DCLK2: variants seen among roughly 807,000 people sequenced by gnomAD.
DCLK2 encodes the protein doublecortin like kinase 2.
DCLK2 carries 31 observed loss-of-function variants against 78.4 expected under a neutral mutation model. The ratio of observed to expected loss-of-function variants is 0.40; its 90% CI spans 0.30 to 0.53. The LOEUF (loss-of-function observed/expected upper bound fraction) is 0.53, where lower values mean the gene tolerates loss of function less well. DCLK2 is among the 20% of genes least tolerant of loss of function. DCLK2 has a pLI of 0.61. For missense variants in DCLK2, 872 were observed against 973.7 expected (o/e 0.90, Z 1.39); for synonymous variants, 407 against 374.9 (o/e 1.09, Z -0.99).
intron 8 of DCLK2, among the ~76,000 whole-genome samples, chr4:150,226,720 G>T (rs930590413): frequency 3.3e-5 from 5 of 152,016 alleles, no homozygotes; most frequent in African/African-American, 1.2e-4. Flanking sequence ...TTTTTATAAT[G>T]CATGATCAAA....
chr4:150,094,372 TAA>T (rs1730312811), intron 1 of DCLK2, among the ~76,000 whole-genome samples: 1 of 152,306 alleles, frequency 6.6e-6, no homozygotes, highest in Admixed American at 6.5e-5. Flanking sequence ...TTCAACTGTT[TAA>T]AAAAGAGTAT....
chr4:150,205,160 C>T (rs1210136773), intron 5 of DCLK2, among the ~76,000 whole-genome samples: 3 of 152,008 alleles, frequency 2.0e-5, no homozygotes, highest in African/African-American at 4.8e-5. Flanking sequence ...GTTAGAACTC[C>T]ACCACCCTTG....
intron 1 of DCLK2, among the ~76,000 whole-genome samples, chr4:150,096,395 T>C (rs1170623441): frequency 1.3e-5 from 2 of 152,184 alleles, no homozygotes; most frequent in African/African-American, 4.8e-5. Flanking sequence ...GATATTCTGT[T>C]AGTGGGTTGA....
At chr4:150,249,891 G>T (rs1171223171) in intron 15 of DCLK2, among the ~76,000 whole-genome samples, 3 of 152,148 alleles carry the variant, frequency 2.0e-5, no homozygotes, top group African/African-American at 7.2e-5. Context: ...GGACCAGCAG[G>T]CCTGGTGTGA....
intron 15 of DCLK2, among the ~76,000 whole-genome samples, chr4:150,250,624 GC>G (rs1488165329): frequency 2.6e-5 from 4 of 151,708 alleles, no homozygotes; most frequent in South Asian, 2.1e-4. Flanking sequence ...TCACATCTGG[GC>G]CCCCCGTGAC....
rs114450405 is a variant in DCLK2, at chr4:150,121,541, C to A, written c.756+18729C>A. 4.1e-3 allele frequency among the ~76,000 whole-genome samples: 628 copies of A among 152,352 alleles called. 4 individuals carry two copies. Among genetic ancestry groups the A allele is most frequent in the African/African-American group, 0.015 (607 of 41,594 alleles). On this transcript the variant is annotated intron_variant, in intron 2 of 15. Coordinates refer to ENST00000296550, the MANE Select transcript of DCLK2 (RefSeq NM_001040260.4). ...ATTTCCTCCACATCTGCAATGACTT[C>A]TTTTGCTGAAGTGTTAAACCCCCTC... is the stretch of plus-strand genomic sequence containing the variant.
At chr4:150,148,166 C>T (rs778204580) in intron 2 of DCLK2, among the ~76,000 whole-genome samples, 1 of 152,054 alleles carries the variant, frequency 6.6e-6, no homozygotes, top group Non-Finnish European at 1.5e-5. Context: ...TAGTTCGAGA[C>T]CAGCCTGGGC....
At chr4:150,201,828 A>G (rs962071390) in intron 4 of DCLK2, among the ~76,000 whole-genome samples, 6 of 152,158 alleles carry the variant, frequency 3.9e-5, no homozygotes, top group South Asian at 4.2e-4. Context: ...AAAAAAGGAA[A>G]ATTTAGTCTC....
rs560954279 is a variant in DCLK2 at position 150,120,681 on chromosome 4, G to A, written c.756+17869G>A. On this transcript the variant is annotated intron_variant, in intron 2 of 15. Coordinates refer to ENST00000296550, the MANE Select transcript of DCLK2 (RefSeq NM_001040260.4). ...AAGTACATCACACAAAATGTTTGGC[G>A]TCCTAGCACAGATAAGTTATGTTTG... Among the ~76,000 whole-genome samples the A allele has an allele frequency of 3.9e-5, 6 of 152,238 alleles. No individual in the cohort carries two copies. The East Asian group carries it at 1.2e-3, about 29-fold the overall frequency.
intron 2 of DCLK2, among the ~76,000 whole-genome samples, chr4:150,159,286 A>C (rs1333726285): frequency 1.3e-5 from 2 of 152,212 alleles, no homozygotes; most frequent in African/African-American, 4.8e-5. Context: ...CTCTTCCTTC[A>C]TGAATTCCAC....
In DCLK2 at chr4:150,198,039, A is replaced by G; in HGVS notation, c.897A>G (p.Ser299=). 4.3e-6 allele frequency: 7 copies of G among 1,613,930 alleles called. No individual in the cohort carries two copies. The highest frequency in any genetic ancestry group is 5.9e-6 in the Non-Finnish European group (7 of 1,179,958). ...RVLKSSYSRS[S]AVKYSGSKSP... is the part of the protein sequence containing the mutation. ...TGAAGTCATCTTATTCTCGATCCTC[A>G]GCTGTTAAGTATTCTGGATCCAAAA... is the stretch of plus-strand genomic sequence containing the variant. Residue 299 remains serine (S), a synonymous_variant, in exon 4 of 16, where the codon TCA becomes TCG. Coordinates refer to ENST00000296550, the MANE Select transcript of DCLK2 (RefSeq NM_001040260.4).
Position 150,175,188 on chromosome 4 carries a change from A to ATAT in DCLK2, c.757-17950_757-17949insTAT, listed in dbSNP as rs1443934489. 8.1e-5 allele frequency among the ~76,000 whole-genome samples: 8 copies of ATAT among 98,166 alleles called. No homozygotes were observed. The East Asian group carries it at 8.9e-4, about 11-fold the overall frequency. The allele number at this position is 98,166 out of a possible 152,430, so 64.4% of individuals were successfully genotyped here. A position where few individuals can be genotyped will look rare whatever the true frequency, so the allele number is the denominator to read the frequency against. On this transcript the variant is annotated intron_variant, in intron 2 of 15. Transcript: ENST00000296550. ...TTTATATATATTTATATATATTTAT[A>ATAT]ATTTATCTATATATATTTATATATA...
chr4:150,170,138 C>A (rs935880878), intron 2 of DCLK2, among the ~76,000 whole-genome samples: 1 of 152,226 alleles, frequency 6.6e-6, no homozygotes, highest in African/African-American at 2.4e-5. Flanking sequence ...ACTGCAACTT[C>A]TACCACCTGG....
At chr4:150,191,468 G>A (rs1385429191) in intron 2 of DCLK2, among the ~76,000 whole-genome samples, 1 of 152,134 alleles carries the variant, frequency 6.6e-6, no homozygotes, top group African/African-American at 2.4e-5. Flanking sequence ...AGAGACGCTT[G>A]AAAACCATGT....
At chr4:150,161,971 TG>T (rs1477828096) in intron 2 of DCLK2, among the ~76,000 whole-genome samples, 1 of 152,196 alleles carries the variant, frequency 6.6e-6, no homozygotes, top group South Asian at 2.1e-4. Flanking sequence ...AGCAGAGTCA[TG>T]AACATTTCTG....
At chr4:150,252,982 G>A (rs1041566295) in intron 15 of DCLK2, among the ~76,000 whole-genome samples, 2 of 152,120 alleles carry the variant, frequency 1.3e-5, no homozygotes, top group African/African-American at 4.8e-5. Flanking sequence ...CAAAAAGTGG[G>A]AGGGGAAGGC....
chr4:150,131,188 T>A (rs944424803), intron 2 of DCLK2, among the ~76,000 whole-genome samples: 5 of 152,058 alleles, frequency 3.3e-5, no homozygotes, highest in Non-Finnish European at 7.4e-5. Context: ...GTGCCTGGCT[T>A]CATTTGATCA....
Position 150,078,838 on chromosome 4 carries a change from T to G in DCLK2, c.-190T>G, listed in dbSNP as rs1729007647. The G allele has an allele frequency of 6.0e-6, 4 of 671,650 alleles. No homozygotes were observed. In the East Asian group the frequency reaches 1.3e-4, roughly 22 times the overall value. 41.6% of individuals were successfully genotyped at this position (671,650 alleles called of 1,614,324 possible). Reference sequence around the variant, plus strand: ...CTGGGCAGCTCGGCGCTGCGGACACTTTTAGCTGAGGGCGCGGGCGGGTCG... The same window carrying G: ...CTGGGCAGCTCGGCGCTGCGGACACGTTTAGCTGAGGGCGCGGGCGGGTCG... On this transcript the variant is annotated 5_prime_UTR_variant, in exon 1 of 16. Transcript: ENST00000296550.
intron 10 of DCLK2, among the ~76,000 whole-genome samples, chr4:150,237,004 A>G (rs900433942): frequency 1.3e-5 from 2 of 152,252 alleles, no homozygotes; most frequent in Non-Finnish European, 2.9e-5. Flanking sequence ...ACCCCTAGGC[A>G]TCACTAAATG....
Sources: gnomAD v4.1 joint callset for allele counts (sites outside exome capture counted in the v4.1 genomes callset) on GRCh38, gnomAD v4.1.1 for gene constraint, MANE v1.5 for transcripts, NCBI Gene and HGNC (gene_info 2026-07-23, HGNC 2026-07-21) for gene names.